HCN2: variants seen among roughly 807,000 people sequenced by gnomAD.
HCN2 encodes the protein potassium/sodium hyperpolarization-activated cyclic nucleotide-gated channel 2.
Under a neutral mutation model 52.3 loss-of-function variants are expected in HCN2, and 20 were observed. The ratio of observed to expected loss-of-function variants is 0.38; its 90% CI spans 0.27 to 0.56. The LOEUF (loss-of-function observed/expected upper bound fraction) is 0.56. HCN2 is among the 20% of genes least tolerant of loss of function. HCN2 has a pLI of 0.71. For missense variants in HCN2, 981 were observed against 1,207.7 expected, an observed-to-expected ratio of 0.81 and a Z score of 2.78; for synonymous variants, 694 against 537.0, an observed-to-expected ratio of 1.29 and a Z score of -4.04.
chr19:607,033 G>A (rs533940536), intron 3 of HCN2, among the ~76,000 whole-genome samples: 23 of 151,912 alleles, frequency 1.5e-4, no homozygotes, highest in East Asian at 1.2e-3. Flanking sequence ...CTAGCTTGGC[G>A]TGGTGGCGCA....
chr19:615,738 G>A lies in HCN2; in HGVS notation c.1991-57G>A, dbSNP rs1296149558. 1.2e-5 allele frequency: 19 copies of A among 1,580,024 alleles called. No homozygotes were observed. In the East Asian group the frequency reaches 3.8e-4, roughly 32 times the overall value. ...CCGCGGTGCAGAGTAGGTGCTCGGT[G>A]CCCGCTGTACGCAGCAGGCGCTCCC... On this transcript the variant is annotated intron_variant, in intron 7 of 7. Transcript: ENST00000251287.
intron 7 of HCN2, among the ~76,000 whole-genome samples, chr19:614,892 T>C (rs571558414): frequency 1.3e-5 from 2 of 152,096 alleles, no homozygotes; most frequent in Admixed American, 6.6e-5. Flanking sequence ...CTCATGCTGC[T>C]GTTCGTGGGA....
intron 7 of HCN2, among the ~76,000 whole-genome samples, chr19:614,726 G>A (rs1361029740): frequency 6.6e-6 from 1 of 152,148 alleles, no homozygotes; most frequent in Non-Finnish European, 1.5e-5. Context: ...GAGCCATGGA[G>A]GGTTCTAGGT....
Position 617,107 on chromosome 19 carries a change from C to G in HCN2, c.*633C>G. On this transcript the variant is annotated 3_prime_UTR_variant, in exon 8 of 8. Transcript: ENST00000251287. ...TGCCCCCACCGTGGCCCCCCACGCCCCATTAACCCCCACACCCCCATTCCG... is the reference window on the plus strand; with the variant it reads ...TGCCCCCACCGTGGCCCCCCACGCCGCATTAACCCCCACACCCCCATTCCG... The G allele has an allele frequency of 1.8e-6, 1 of 545,170 alleles. No individual in the cohort carries two copies. The highest frequency in any genetic ancestry group is 3.6e-5 in the East Asian group (1 of 27,442). The allele number at this position is 545,170 out of a possible 1,614,324, so 33.8% of individuals were successfully genotyped here.
chr19:611,403 C>T (rs77873908), intron 5 of HCN2, among the ~76,000 whole-genome samples: 2 of 152,134 alleles, frequency 1.3e-5, no homozygotes, highest in East Asian at 3.9e-4. Context: ...GTGAGCCAGG[C>T]AGGGTGTCCC....
Position 613,928 on chromosome 19 carries a change from C to A in HCN2, c.1902C>A (p.Ser634Arg). 1 of 1,603,972 alleles carries A rather than the reference C, an allele frequency of 6.2e-7. No individual in the cohort carries two copies. The highest frequency in any genetic ancestry group is 1.4e-5 in the African/African-American group (1 of 73,924). Residue 634 changes from serine to arginine, a missense_variant, in exon 7 of 8, where the codon AGC (serine) becomes AGA (arginine). Coordinates refer to ENST00000251287, the MANE Select transcript of HCN2 (RefSeq NM_001194.4). ...CCTACTGCCGCCTCTATTCGCTGAG[C>A]GTGGACAACTTCAACGAGGTGCTGG... The part of the protein sequence containing the change: ...ADTYCRLYSL[S>R]VDNFNEVLEE...
Position 616,933 on chromosome 19 carries a change from G to A in HCN2, c.*459G>A, listed in dbSNP as rs1361631376. 4.3e-5 allele frequency: 15 copies of A among 352,082 alleles called. No individual in the cohort carries two copies. Among genetic ancestry groups the A allele is most frequent in the East Asian group, 2.2e-4 (3 of 13,576 alleles). The allele number at this position is 352,082 out of a possible 1,614,324, so 21.8% of individuals were successfully genotyped here. Reference sequence around the variant, plus strand: ...TCACGCAATAACCGGCCCGGCCCCCGTCCGCGCGCGTCCCCCGGTGACCTC... The same window carrying A: ...TCACGCAATAACCGGCCCGGCCCCCATCCGCGCGCGTCCCCCGGTGACCTC... On this transcript the variant is annotated 3_prime_UTR_variant, in exon 8 of 8. Transcript: ENST00000251287.
intron 4 of HCN2, among the ~76,000 whole-genome samples, chr19:609,734 C>T (rs72974115): frequency 0.066 from 9,990 of 152,156 alleles, 487 homozygotes; most frequent in Admixed American, 0.12. Context: ...GACCTCATCT[C>T]CACAAAAAAT....
At chr19:614,096 G>A (rs1600539750) in intron 7 of HCN2, 80 bp downstream of exon 7, 5 of 683,596 alleles carry the variant, frequency 7.3e-6, no homozygotes, top group African/African-American at 3.5e-5. Context: ...GAGTGGCTTG[G>A]ACAGTGGCAG....
At chr19:604,959 A>AG (rs1204824906) in intron 2 of HCN2, 102 bp from the exon 3 acceptor site, 1 of 1,066,842 alleles carries the variant, frequency 9.4e-7, no homozygotes, top group Non-Finnish European at 1.2e-6. Flanking sequence ...GATTTGGGGG[A>AG]GGGGGCCAGG....
In HCN2 at chr19:592,999, A is replaced by G. The variant is rs1982916573; in HGVS notation, c.632+2422A>G. Among the ~76,000 whole-genome samples the G allele has an allele frequency of 6.6e-6, 1 of 152,098 alleles. No individual in the cohort carries two copies. ...ATGAGGGAGAAGGATGGGGTCTTTCACAGCCTTGCCAGTGTCTCAGCCTCA... is the reference window on the plus strand; with the variant it reads ...ATGAGGGAGAAGGATGGGGTCTTTCGCAGCCTTGCCAGTGTCTCAGCCTCA... On this transcript the variant is annotated intron_variant, in intron 1 of 7. Transcript: ENST00000251287. The surrounding 1 kb of genome is among the most constrained non-coding windows in gnomAD (Gnocchi z 4.8).
intron 5 of HCN2, 87 bp from the exon 6 acceptor site, chr19:613,161 C>T (rs1203087643): frequency 6.8e-7 from 1 of 1,480,338 alleles, no homozygotes; most frequent in Non-Finnish European, 9.1e-7. Context: ...AAACTGGGGT[C>T]CGAGAGGTGA....
chr19:602,167 T>TCTC, intron 1 of HCN2, among the ~76,000 whole-genome samples: 1 of 91,296 alleles, frequency 1.1e-5, no homozygotes, highest in African/African-American at 3.8e-5. Context: ...CACTTCCTCC[T>TCTC]CTCCTGCGTG....
At chr19:613,824 G>A (rs1983776148) in intron 6 of HCN2, 28 bp from the exon 7 acceptor site, 1 of 1,489,278 alleles carries the variant, frequency 6.7e-7, no homozygotes, top group Non-Finnish European at 8.9e-7. Context: ...GCCTCGTCCA[G>A]CAACCCCCCC....
Position 616,440 on chromosome 19 carries a change from A to C in HCN2, c.2636A>C (p.Asp879Ala). ...PGAAGGLDPQDSARSRLSSNL is the reference protein window; with the variant it reads ...PGAAGGLDPQASARSRLSSNL ...GCCGCCGGCGGCCTGGACCCCCAGG[A>C]CTCCGCGCGCTCGCGCCTCTCGTCC... Residue 879 changes from aspartate (D) to alanine (A), a missense_variant, in exon 8 of 8, where the codon GAC becomes GCC. By Grantham distance (126) the Asp-to-Ala change is moderately radical (BLOSUM62 -2). This residue lies in a region of HCN2 where 368 missense variants were observed against 314.8 expected (regional missense o/e 1.17). Coordinates refer to ENST00000251287, the MANE Select transcript of HCN2 (RefSeq NM_001194.4). The C allele has an allele frequency of 8.0e-7, 1 of 1,244,510 alleles. No homozygotes were observed. The allele number at this position is 1,244,510 out of a possible 1,614,324, so 77.1% of individuals were successfully genotyped here.
Position 616,500 on chromosome 19 carries a change from AGGCGGGCCGGG to A in HCN2, c.*33_*43del, listed in dbSNP as rs1983935421. 2.5e-6 allele frequency: 3 copies of A among 1,196,892 alleles called. No homozygotes were observed. Among genetic ancestry groups the A allele is most frequent in the African/African-American group, 3.3e-5 (2 of 60,840 alleles). The allele number at this position is 1,196,892 out of a possible 1,614,324, so 74.1% of individuals were successfully genotyped here. On this transcript the variant is annotated 3_prime_UTR_variant, in exon 8 of 8. Coordinates refer to ENST00000251287, the MANE Select transcript of HCN2 (RefSeq NM_001194.4). ...CCCTCGCCGACCGCCCCGCGGGCCC[AGGCGGGCCGGG>A]GGCGGGGCCGTCATCCAGACCAAAG...
Position 613,871 on chromosome 19 carries a change from G to C in HCN2, c.1845G>C (p.Arg615=), listed in dbSNP as rs1396791998. ...SYFGEICLLT[R]GRRTASVRAD... ...GTGCAGAGATCTGCCTGCTCACCCG[G>C]GGCCGCCGCACGGCGAGCGTGCGGG... Residue 615 remains arginine (R), a synonymous_variant, in exon 7 of 8, where the codon CGG becomes CGC. Transcript: ENST00000251287. The C allele has an allele frequency of 1.3e-6, 2 of 1,589,560 alleles. No individual in the cohort carries two copies. Among genetic ancestry groups the C allele is most frequent in the Non-Finnish European group, 1.7e-6 (2 of 1,168,818 alleles).
rs952712117 is a variant in HCN2, at chr19:590,033, C to T, written c.88C>T (p.Pro30Ser). 6 of 571,292 alleles carry T rather than the reference C, an allele frequency of 1.1e-5. No individual in the cohort carries two copies. The Admixed American group carries it at 3.5e-4, about 33-fold the overall frequency. The allele number at this position is 571,292 out of a possible 1,614,324, so 35.4% of individuals were successfully genotyped here. ...GCCGCCGCCGCCGCCGCCGCCCGCGCCCCCCCAACAGCAGCCGCCGCCGCC... is the reference window on the plus strand; with the variant it reads ...GCCGCCGCCGCCGCCGCCGCCCGCGTCCCCCCAACAGCAGCCGCCGCCGCC... ...PGPPPPPPPA[P>S]PQQQPPPPPP... The change falls in exon 1 of 8, where the codon CCC (proline) becomes TCC (serine). Residue 30 changes from proline (P) to serine (S), a missense_variant. By Grantham distance (74) the Pro-to-Ser change is moderately conservative. Coordinates refer to ENST00000251287, the MANE Select transcript of HCN2 (RefSeq NM_001194.4). The surrounding 1 kb of genome is among the most constrained non-coding windows in gnomAD (Gnocchi z 7.2).
rs1177049000 is a variant in HCN2, at chr19:605,301, T to TCAAGTGGCGCGCTCAGGGC, written c.1218+79_1218+80insCAAGTGGCGCGCTCAGGGC. 1,444 of 1,389,744 alleles carry TCAAGTGGCGCGCTCAGGGC rather than the reference T, an allele frequency of 1.0e-3. 11 individuals are homozygous for TCAAGTGGCGCGCTCAGGGC. Among genetic ancestry groups the TCAAGTGGCGCGCTCAGGGC allele is most frequent in the Admixed American group, 2.0e-3 (90 of 44,876 alleles). The allele number at this position is 1,389,744 out of a possible 1,614,324, so 86.1% of individuals were successfully genotyped here. ...GGGACCCAGGCCCCCTTATCCCGCTTACAGAGGGTTGAACCCAAGCCTTTC... is the reference window on the plus strand; with the variant it reads ...GGGACCCAGGCCCCCTTATCCCGCTTCAAGTGGCGCGCTCAGGGCACAGAGGGTTGAACCCAAGCCTTTC... On this transcript the variant is annotated intron_variant, in intron 3 of 7. Coordinates refer to ENST00000251287, the MANE Select transcript of HCN2 (RefSeq NM_001194.4).
Sources: allele counts gnomAD v4.1 joint callset (sites outside exome capture counted in the v4.1 genomes callset), GRCh38; gene constraint gnomAD v4.1.1; regional missense constraint gnomAD v4.1.1; non-coding constraint Gnocchi (gnomAD v3.1); transcripts MANE v1.5; gene names NCBI Gene and HGNC (gene_info 2026-07-23, HGNC 2026-07-21).